The following CPT1A variants were observed in gnomAD, a reference collection of about 807,000 sequenced individuals.
CPT1A encodes carnitine O-palmitoyltransferase 1, liver isoform.
CPT1A carries 64 observed loss-of-function variants against 100.8 expected under a neutral mutation model. The observed-to-expected ratio is 0.63, with a 90% confidence interval of 0.52 to 0.78. The LOEUF (loss-of-function observed/expected upper bound fraction) is 0.78, where lower values mean the gene tolerates loss of function less well. Among genes scored for constraint, CPT1A ranks in the 30% least tolerant of loss-of-function variants. CPT1A has a pLI of 0.00. For synonymous variants in CPT1A, 363 were observed against 396.0 expected (o/e 0.92, Z 0.99); for missense variants, 802 against 1,034.1 (o/e 0.78, Z 3.08).
rs542742383 is a variant in CPT1A at position 68,841,854 on chromosome 11, G to T, written c.-93C>A. The T allele has an allele frequency of 4.0e-6, 4 of 994,140 alleles. No homozygotes were observed. The highest frequency in any genetic ancestry group is 9.0e-5 in the South Asian group (2 of 22,320). 61.6% of individuals were successfully genotyped at this position (994,140 alleles called of 1,614,324 possible). On this transcript the variant is annotated 5_prime_UTR_variant, in exon 1 of 19. Coordinates refer to ENST00000265641, the MANE Select transcript of CPT1A (RefSeq NM_001876.4). This position sits in a 1 kb window ranked among gnomAD's most constrained non-coding sequence, Gnocchi z 6.3. ...GCGGTGGAGTGAACGAGCGGCGAGC[G>T]GGAGCCGGGGAAGGAGGGCCGCGGG... is the stretch of plus-strand genomic sequence containing the variant.
chr11:68,815,253 C>G, intron 2 of CPT1A, 81 bp downstream of exon 2: 1 of 1,443,024 alleles, frequency 6.9e-7, no homozygotes, highest in Non-Finnish European at 9.7e-7. Flanking sequence ...GTCTGAAACA[C>G]GTAGACCTCA....
intron 14 of CPT1A, among the ~76,000 whole-genome samples, chr11:68,768,962 T>C (rs990230404): frequency 1.3e-5 from 2 of 152,164 alleles, no homozygotes; most frequent in Non-Finnish European, 2.9e-5. Flanking sequence ...TAGGCAAAAA[T>C]CTAGTCTTGT....
intron 9 of CPT1A, chr11:68,785,840 T>G: frequency 1.8e-6 from 1 of 545,818 alleles, no homozygotes; most frequent in Non-Finnish European, 3.2e-6. Flanking sequence ...CCGAGAAATG[T>G]TCTGAGAAAG....
chr11:68,842,794 CAGGGGGTTG>C (rs1270971051), upstream of CPT1A, among the ~76,000 whole-genome samples: 2 of 151,934 alleles, frequency 1.3e-5, no homozygotes, highest in African/African-American at 4.8e-5. Context: ...GCAGGGGACC[CAGGGGGTTG>C]AGGGGGAGGG....
chr11:68,798,294 CAG>C (rs1221939275), intron 6 of CPT1A, among the ~76,000 whole-genome samples: 1 of 152,202 alleles, frequency 6.6e-6, no homozygotes, highest in East Asian at 1.9e-4. Context: ...GAGAGCTGTG[CAG>C]AGAGCTGACG....
intron 18 of CPT1A, 118 bp downstream of exon 18, chr11:68,759,451 T>C (rs2153994696): frequency 1.3e-6 from 1 of 754,588 alleles, no homozygotes; most frequent in Non-Finnish European, 2.3e-6. Context: ...ATTCCCGAAA[T>C]CAAGTAAAAG....
At position 68,793,189 on chromosome 11, in the gene CPT1A, T is replaced by C. The variant is rs1855664290; in HGVS notation, c.967+126A>G. On this transcript the variant is annotated intron_variant, in intron 9 of 18. Transcript: ENST00000265641. Reference sequence around the variant, plus strand: ...CAAAGGAAATTCAGCAGAAGGAATGTTCACCAGCCTACAATCTCAGGAAGG... The same window carrying C: ...CAAAGGAAATTCAGCAGAAGGAATGCTCACCAGCCTACAATCTCAGGAAGG... 3 of 649,192 alleles carry C rather than the reference T, an allele frequency of 4.6e-6. No homozygotes were observed. In the East Asian group the frequency reaches 8.4e-5, roughly 18 times the overall value. 40.2% of individuals were successfully genotyped at this position (649,192 alleles called of 1,614,324 possible). A position where few individuals can be genotyped will look rare whatever the true frequency, so the allele number is the denominator to read the frequency against.
intron 1 of CPT1A, among the ~76,000 whole-genome samples, chr11:68,832,138 A>C (rs1299341325): frequency 6.6e-6 from 1 of 152,190 alleles, no homozygotes; most frequent in African/African-American, 2.4e-5. Context: ...GCCAGCAAAT[A>C]GCAGGGCTGG....
chr11:68,780,981 G>A (rs975178329), intron 11 of CPT1A, among the ~76,000 whole-genome samples: 1 of 152,192 alleles, frequency 6.6e-6, no homozygotes, highest in African/African-American at 2.4e-5. Flanking sequence ...GCAGCCTGAA[G>A]TCAGGACCTG....
intron 13 of CPT1A, 180 bp from the exon 14 acceptor site, chr11:68,773,609 G>A (rs1748139068): frequency 3.6e-6 from 4 of 1,101,530 alleles, no homozygotes; most frequent in Non-Finnish European, 5.1e-6. Context: ...TGACCCCGGA[G>A]GAGCAGCTGC....
At chr11:68,790,414 G>A (rs1186026633) in intron 9 of CPT1A, among the ~76,000 whole-genome samples, 1 of 152,064 alleles carries the variant, frequency 6.6e-6, no homozygotes. Context: ...TTAAGATGAG[G>A]TCATACTGGA....
chr11:68,816,840 GGTGTGTGCGTGTGTGGT>G (rs1384505944), intron 1 of CPT1A, among the ~76,000 whole-genome samples: 1 of 145,360 alleles, frequency 6.9e-6, no homozygotes, highest in Non-Finnish European at 1.5e-5. Context: ...GTATGTGTGT[GGTGTGTGCGTGTGTGGT>G]GTGTGTGTGT....
chr11:68,844,043 G>C (rs771202150), upstream of CPT1A: 2 of 152,308 alleles, frequency 1.3e-5, no homozygotes, highest in Admixed American at 6.5e-5. Flanking sequence ...CTTCGGCCTT[G>C]ACCGTGCGCC....
At chr11:68,775,129 C>T (rs1395368697) in intron 13 of CPT1A, among the ~76,000 whole-genome samples, 187 bp downstream of exon 13, 1 of 152,144 alleles carries the variant, frequency 6.6e-6, no homozygotes, top group Non-Finnish European at 1.5e-5. Context: ...CCGAGGCTTC[C>T]GAGGCAACAG....
chr11:68,765,670 CATATTCA>C (rs1263430148), intron 14 of CPT1A, among the ~76,000 whole-genome samples: 1 of 152,180 alleles, frequency 6.6e-6, no homozygotes, highest in Admixed American at 6.5e-5. Context: ...GCATTCAATC[CATATTCA>C]ATATTCAATA....
rs1231822152 is a variant in CPT1A, at chr11:68,799,279, A to G, written c.632T>C (p.Val211Ala). 1.9e-6 allele frequency: 3 copies of G among 1,614,146 alleles called. No homozygotes were observed. Among genetic ancestry groups the G allele is most frequent in the Non-Finnish European group, 1.7e-6 (2 of 1,179,996 alleles). ...CCACTGTAATCTTGGTCCAAGACCG[A>G]CAGCAAAATCTTGAGCAAGTGCTGT... The part of the protein sequence containing the change: ...RMTALAQDFA[V>A]GLGPRLQWYL... The change falls in exon 6 of 19, where the codon GTC becomes GCC. Residue 211 changes from valine to alanine, a missense_variant. This residue lies in a region of CPT1A where 627 missense variants were observed against 799.3 expected (regional missense o/e 0.78). Coordinates refer to ENST00000265641, the MANE Select transcript of CPT1A (RefSeq NM_001876.4).
chr11:68,784,852 C>G lies in CPT1A; in HGVS notation c.1126G>C (p.Gly376Arg). The G allele has an allele frequency of 6.2e-7, 1 of 1,612,856 alleles. No homozygotes were observed. Among genetic ancestry groups the G allele is most frequent in the Non-Finnish European group, 8.5e-7 (1 of 1,180,020 alleles). ...GTGAGGGCTGCCAGCCTGGCCTCCC[C>G]GGGCTGAGGCTCCGAGGTATTGTCC... ...ILDNTSEPQP[G>R]EARLAALTAG... Residue 376 changes from glycine to arginine, a missense_variant, in exon 10 of 19, where the codon GGG becomes CGG. Around this residue, in one of 4 missense-constraint regions of CPT1A, gnomAD observed 627 missense variants for 799.3 expected, o/e 0.78. Transcript: ENST00000265641.
At position 68,761,682 on chromosome 11, in the gene CPT1A, T is replaced by C. The variant is rs994056476; in HGVS notation, c.1881A>G (p.Glu627=). 1 of 1,614,208 alleles carries C rather than the reference T, an allele frequency of 6.2e-7. No homozygotes were observed. Among genetic ancestry groups the C allele is most frequent in the Non-Finnish European group, 8.5e-7 (1 of 1,180,028 alleles). ...RAMVDPAQTV[E]QRLKLFKLAS... ...CCAACTTGAACAACTTCAGCCTCTG[T>C]TCCACCTGAGTGACAAAAGGTGGGA... The change falls in exon 16 of 19, where the codon GAA becomes GAG. Residue 627 remains glutamate (E), a synonymous_variant. Transcript: ENST00000265641.
chr11:68,796,739 G>C, intron 7 of CPT1A, 117 bp downstream of exon 7: 2 of 965,624 alleles, frequency 2.1e-6, no homozygotes, highest in South Asian at 2.8e-5. Flanking sequence ...AGAGGAGCAT[G>C]AGCCAATCCC....
Sources: gnomAD v4.1 joint callset for allele counts (sites outside exome capture counted in the v4.1 genomes callset) on GRCh38, gnomAD v4.1.1 for gene constraint, gnomAD v4.1.1 regional missense constraint, Gnocchi (gnomAD v3.1) non-coding constraint, MANE v1.5 for transcripts, NCBI Gene and HGNC (gene_info 2026-07-23, HGNC 2026-07-21) for gene names.